Variants in GABPA observed in about 807,000 individuals in gnomAD.
GABPA encodes GA binding protein transcription factor subunit alpha.
A neutral mutation model predicts 59.4 loss-of-function variants in GABPA; 4 were observed. The observed-to-expected ratio is 0.07, with a 90% confidence interval of 0.03 to 0.15. The LOEUF (loss-of-function observed/expected upper bound fraction) is 0.15, where lower values mean the gene tolerates loss of function less well. Among genes scored for constraint, GABPA ranks in the 10% least tolerant of loss-of-function variants. GABPA has a pLI of 1.00. For synonymous variants in GABPA, 164 were observed against 183.1 expected, an observed-to-expected ratio of 0.90 and a Z score of 0.84; for missense variants, 251 against 543.8, an observed-to-expected ratio of 0.46 and a Z score of 5.36.
At chr21:25,758,305 AT>A (rs1353895122) in intron 6 of GABPA, 101 bp downstream of exon 6, 8 of 780,454 alleles carry the variant, frequency 1.0e-5, no homozygotes, top group Admixed American at 3.1e-5. Flanking sequence ...ATGATAAGTA[AT>A]AAGCAATAAT....
intron 3 of GABPA, 21 bp from the exon 4 acceptor site, chr21:25,749,015 A>C: frequency 6.7e-7 from 1 of 1,481,892 alleles, no homozygotes; most frequent in Non-Finnish European, 9.4e-7. Flanking sequence ...AAATAATCTT[A>C]CTCATTTTAT....
At chr21:25,763,062 T>C in intron 7 of GABPA, 1 of 394,034 alleles carries the variant, frequency 2.5e-6, no homozygotes, top group South Asian at 2.5e-5. Context: ...CTGTACTTGC[T>C]AGAAGTACAG....
intron 3 of GABPA, among the ~76,000 whole-genome samples, chr21:25,747,651 T>C (rs533016525): frequency 2.0e-5 from 3 of 152,314 alleles, no homozygotes; most frequent in East Asian, 1.9e-4. Flanking sequence ...AGTTGCACTT[T>C]TTTGAAGAGT....
At chr21:25,740,017 T>G (rs1253960387) in intron 1 of GABPA, among the ~76,000 whole-genome samples, 1 of 152,124 alleles carries the variant, frequency 6.6e-6, no homozygotes, top group African/African-American at 2.4e-5. Flanking sequence ...TTTAGGAGAT[T>G]GTTGCAGTAC....
At chr21:25,737,615 TA>T (rs1433050821) in intron 1 of GABPA, among the ~76,000 whole-genome samples, 1 of 152,236 alleles carries the variant, frequency 6.6e-6, no homozygotes, top group African/African-American at 2.4e-5. Flanking sequence ...GTGTTTATGT[TA>T]GGGGAGCCCC....
At position 25,769,332 on chromosome 21, in the gene GABPA, G is replaced by T; in HGVS notation, c.*100G>T. The T allele has an allele frequency of 1.6e-6, 1 of 617,834 alleles. No homozygotes were observed. Among genetic ancestry groups the T allele is most frequent in the Non-Finnish European group, 2.9e-6 (1 of 340,410 alleles). 38.3% of individuals were successfully genotyped at this position (617,834 alleles called of 1,614,324 possible). A position where few individuals can be genotyped will look rare whatever the true frequency, so the allele number is the denominator to read the frequency against. On this transcript the variant is annotated 3_prime_UTR_variant, in exon 10 of 10. Transcript: ENST00000400075. ...GAATTTGAATCTTCTTTTATTTCTA[G>T]GCTGTACAGTCTGATGCATGATTTT...
chr21:25,741,057 T>C (rs2035208185), intron 1 of GABPA, among the ~76,000 whole-genome samples: 1 of 152,228 alleles, frequency 6.6e-6, no homozygotes. Flanking sequence ...ATCCAGTAGA[T>C]TAATGAAGTT....
At chr21:25,743,584 C>CT (rs58148744) in intron 2 of GABPA, among the ~76,000 whole-genome samples, 2,923 of 134,700 alleles carry the variant, frequency 0.022, 72 homozygotes, top group African/African-American at 0.063. Flanking sequence ...ATGAGATCAT[C>CT]TTTTTTTTTT....
intron 9 of GABPA, among the ~76,000 whole-genome samples, chr21:25,766,902 C>A (rs1202400508): frequency 2.1e-4 from 32 of 151,902 alleles, no homozygotes; most frequent in Admixed American, 2.0e-3. Flanking sequence ...GTGAATGAAT[C>A]ATTTATGGTA....
At chr21:25,757,685 C>T (rs967725474) in intron 5 of GABPA, among the ~76,000 whole-genome samples, 15 of 151,802 alleles carry the variant, frequency 9.9e-5, no homozygotes, top group African/African-American at 7.3e-5. Flanking sequence ...TTACTTTATT[C>T]TCTCCAGAAT....
chr21:25,757,492 C>T (rs973998126), intron 5 of GABPA, among the ~76,000 whole-genome samples: 4 of 152,070 alleles, frequency 2.6e-5, no homozygotes, highest in Non-Finnish European at 4.4e-5. Context: ...CAGGCAATTA[C>T]CATGTTTATT....
intron 1 of GABPA, among the ~76,000 whole-genome samples, chr21:25,737,669 C>G (rs2035116167): frequency 6.6e-6 from 1 of 152,186 alleles, no homozygotes; most frequent in South Asian, 2.1e-4. Flanking sequence ...TTCTCAGCCT[C>G]TGGCTACATC....
In GABPA at chr21:25,762,289, CAAA is replaced by C; in HGVS notation, c.749-19_749-17del. 1.4e-6 allele frequency: 2 copies of C among 1,435,776 alleles called. No individual in the cohort carries two copies. The highest frequency in any genetic ancestry group is 2.6e-5 in the South Asian group (2 of 75,918). The allele number at this position is 1,435,776 out of a possible 1,614,324, so 88.9% of individuals were successfully genotyped here. On this transcript the variant is annotated intron_variant, in intron 6 of 9. Coordinates refer to ENST00000400075, the MANE Select transcript of GABPA (RefSeq NM_002040.4). ...TTATATTTTTGGTTTTAAATAAAAACAAAAAATTTTTGTTTTTTTCAGATGTAT... is the reference window on the plus strand; with the variant it reads ...TTATATTTTTGGTTTTAAATAAAAACAAATTTTTGTTTTTTTCAGATGTAT...
chr21:25,749,115 A>G lies in GABPA; in HGVS notation c.302A>G (p.Tyr101Cys). 1 of 1,553,556 alleles carries G rather than the reference A, an allele frequency of 6.4e-7. No individual in the cohort carries two copies. The highest frequency in any genetic ancestry group is 8.8e-7 in the Non-Finnish European group (1 of 1,132,538). Residue 101 changes from tyrosine (Y) to cysteine (C), a missense_variant, in exon 4 of 10, where the codon TAC becomes TGC. Physicochemically the swap from Tyr to Cys is radical, Grantham distance 194 (BLOSUM62 -2). Around this residue, in one of 4 missense-constraint regions of GABPA, gnomAD observed 207 missense variants for 366.7 expected, o/e 0.56. Coordinates refer to ENST00000400075, the MANE Select transcript of GABPA (RefSeq NM_002040.4). Reference sequence around the variant, plus strand: ...CAGCTTAGTGTACAGGTAATTTCTTACCAAGGTAAGTTACTTTTCATGATA... The same window carrying G: ...CAGCTTAGTGTACAGGTAATTTCTTGCCAAGGTAAGTTACTTTTCATGATA... Reference protein sequence around the residue: ...TVQLSVQVISYQGIEPKLNIL... With the variant: ...TVQLSVQVISCQGIEPKLNIL...
At position 25,769,022 on chromosome 21, in the gene GABPA, C is replaced by T; in HGVS notation, c.1155C>T (p.Asp385=). The change falls in exon 10 of 10, where the codon GAC becomes GAT. Residue 385 remains aspartate (D), a synonymous_variant. Coordinates refer to ENST00000400075, the MANE Select transcript of GABPA (RefSeq NM_002040.4). ...SRALRYYYDG[D]MICKVQGKRF... The stretch of plus-strand genomic sequence containing the variant: ...TTTGAAGATATTATTACGATGGGGA[C>T]ATGATTTGTAAAGTTCAAGGCAAGA... The T allele has an allele frequency of 6.2e-7, 1 of 1,611,432 alleles. No individual in the cohort carries two copies. The highest frequency in any genetic ancestry group is 8.5e-7 in the Non-Finnish European group (1 of 1,178,060).
At chr21:25,757,041 T>G (rs144346143) in intron 5 of GABPA, among the ~76,000 whole-genome samples, 1,917 of 152,294 alleles carry the variant, frequency 0.013, 30 homozygotes, top group Non-Finnish European at 0.017. Context: ...TTTGAAGAAC[T>G]TTTATAAAAT....
chr21:25,768,942 T>C (rs2035956217), intron 9 of GABPA, 62 bp from the exon 10 acceptor site: 1 of 1,067,568 alleles, frequency 9.4e-7, no homozygotes, highest in Non-Finnish European at 1.4e-6. Flanking sequence ...GAATAGTCTG[T>C]AAATTATTGT....
chr21:25,750,402 G>A (rs969534228), intron 4 of GABPA, among the ~76,000 whole-genome samples: 1 of 152,176 alleles, frequency 6.6e-6, no homozygotes, highest in African/African-American at 2.4e-5. Flanking sequence ...GCTTATACCA[G>A]TGATTCTAAA....
At chr21:25,753,143 A>G (rs570063768) in intron 5 of GABPA, among the ~76,000 whole-genome samples, 93 of 152,308 alleles carry the variant, frequency 6.1e-4, no homozygotes, top group African/African-American at 2.1e-3. Context: ...CTTAATTAAG[A>G]TGGTGCACTA....
Sources: allele counts gnomAD v4.1 joint callset (sites outside exome capture counted in the v4.1 genomes callset), GRCh38; gene constraint gnomAD v4.1.1; regional missense constraint gnomAD v4.1.1; transcripts MANE v1.5; gene names NCBI Gene and HGNC (gene_info 2026-07-23, HGNC 2026-07-21).